The following KIAA1328 variants were observed in gnomAD, a reference collection of about 807,000 sequenced individuals.
KIAA1328 encodes the protein KIAA1328.
Under a neutral mutation model 68.1 loss-of-function variants are expected in KIAA1328, and 52 were observed. That is an observed-to-expected ratio of 0.76 (90% confidence interval 0.61 to 0.96). The LOEUF is 0.96. KIAA1328 is among the 40% of genes least tolerant of loss of function. The probability of loss-of-function intolerance (pLI) is 0.00; values close to 1 mark genes in which losing one functional copy is unlikely to be tolerated. For missense variants in KIAA1328, 641 were observed against 677.6 expected, an observed-to-expected ratio of 0.95 and a Z score of 0.60; for synonymous variants, 232 against 239.4, an observed-to-expected ratio of 0.97 and a Z score of 0.28.
At chr18:37,178,505 G>A (rs1433883157) in intron 9 of KIAA1328, among the ~76,000 whole-genome samples, 1 of 152,126 alleles carries the variant, frequency 6.6e-6, no homozygotes, top group Non-Finnish European at 1.5e-5. Context: ...CACTTAGGTT[G>A]ATTCCATATC....
At chr18:36,959,711 A>ACTG (rs1294132341) in intron 6 of KIAA1328, among the ~76,000 whole-genome samples, 1 of 152,146 alleles carries the variant, frequency 6.6e-6, no homozygotes, top group Non-Finnish European at 1.5e-5. Flanking sequence ...TAAAGAAAAC[A>ACTG]CTGCTCTGTT....
At chr18:37,071,203 G>A (rs12104127) in intron 7 of KIAA1328, among the ~76,000 whole-genome samples, 2 of 151,706 alleles carry the variant, frequency 1.3e-5, no homozygotes, top group South Asian at 2.1e-4. Flanking sequence ...TTCCTGAGTA[G>A]CTGGAACTAC....
At chr18:37,145,086 G>A (rs1599418228) in intron 7 of KIAA1328, among the ~76,000 whole-genome samples, 1 of 152,088 alleles carries the variant, frequency 6.6e-6, no homozygotes, top group South Asian at 2.1e-4. Flanking sequence ...AATACAAAAA[G>A]TAGCCAGGCA....
intron 5 of KIAA1328, among the ~76,000 whole-genome samples, chr18:36,953,385 GATAGA>G (rs2051249763): frequency 7.9e-6 from 1 of 126,900 alleles, no homozygotes; most frequent in East Asian, 2.1e-4. Context: ...TAGATAGATA[GATAGA>G]TAGATAGATA....
intron 7 of KIAA1328, among the ~76,000 whole-genome samples, chr18:37,099,458 G>A (rs1472604190): frequency 6.6e-6 from 1 of 152,156 alleles, no homozygotes; most frequent in Non-Finnish European, 1.5e-5. Flanking sequence ...TTTAATTTCT[G>A]ATCTTTTACA....
At chr18:37,099,853 A>C (rs1382300569) in intron 7 of KIAA1328, among the ~76,000 whole-genome samples, 2 of 151,982 alleles carry the variant, frequency 1.3e-5, no homozygotes, top group South Asian at 2.1e-4. Flanking sequence ...CTCTTTTGAT[A>C]TTAGTTGGTT....
intron 6 of KIAA1328, among the ~76,000 whole-genome samples, chr18:37,004,819 A>C (rs547423509): frequency 5.3e-5 from 8 of 152,254 alleles, no homozygotes; most frequent in African/African-American, 1.9e-4. Context: ...ATAACAGCAC[A>C]ATTCACAATT....
At chr18:37,118,201 C>A (rs2151925383) in intron 7 of KIAA1328, among the ~76,000 whole-genome samples, 1 of 152,034 alleles carries the variant, frequency 6.6e-6, no homozygotes, top group African/African-American at 2.4e-5. Flanking sequence ...TGCTATGTTG[C>A]CTAGGATGGT....
intron 5 of KIAA1328, among the ~76,000 whole-genome samples, chr18:36,928,176 G>A (rs1055148248): frequency 6.6e-6 from 1 of 152,168 alleles, no homozygotes; most frequent in Non-Finnish European, 1.5e-5. Flanking sequence ...GGCAGAATGT[G>A]TATGTGAGTA....
At chr18:36,986,478 A>G (rs2052931165) in intron 6 of KIAA1328, among the ~76,000 whole-genome samples, 1 of 134,528 alleles carries the variant, frequency 7.4e-6, no homozygotes, top group South Asian at 2.7e-4. Flanking sequence ...GCCAAAATTG[A>G]CAAATGGGAT....
At chr18:36,955,973 G>C (rs1320623523) in intron 5 of KIAA1328, 1 of 152,160 alleles carries the variant, frequency 6.6e-6, no homozygotes, top group Non-Finnish European at 1.5e-5. Flanking sequence ...TACTTTGGCA[G>C]CCTCTTAGTA....
At chr18:37,056,659 T>C (rs1383639424) in intron 6 of KIAA1328, among the ~76,000 whole-genome samples, 4 of 152,160 alleles carry the variant, frequency 2.6e-5, no homozygotes, top group Non-Finnish European at 5.9e-5. Context: ...AATCCTTTTC[T>C]CTTTTTTTTG....
intron 6 of KIAA1328, among the ~76,000 whole-genome samples, chr18:37,003,193 A>C (rs2053653786): frequency 6.6e-6 from 1 of 152,176 alleles, no homozygotes; most frequent in African/African-American, 2.4e-5. Context: ...AAATCAACTC[A>C]AAATGGATTA....
chr18:37,212,176 C>T (rs1358107058), intron 9 of KIAA1328, among the ~76,000 whole-genome samples: 2 of 152,172 alleles, frequency 1.3e-5, no homozygotes, highest in African/African-American at 4.8e-5. Flanking sequence ...GCAAAATTTC[C>T]TAGAAGCAGT....
intron 6 of KIAA1328, among the ~76,000 whole-genome samples, chr18:36,979,428 T>A (rs894845855): frequency 7.9e-5 from 12 of 152,076 alleles, no homozygotes; most frequent in Admixed American, 6.6e-4. Context: ...CTTTTATTCT[T>A]CAGGTAGGAT....
intron 4 of KIAA1328, among the ~76,000 whole-genome samples, chr18:36,857,003 C>A (rs1004533625): frequency 1.3e-5 from 2 of 152,160 alleles, no homozygotes; most frequent in African/African-American, 4.8e-5. Flanking sequence ...CATACTCTCT[C>A]AGTCATTTTA....
intron 6 of KIAA1328, among the ~76,000 whole-genome samples, chr18:36,966,955 G>A (rs1050964406): frequency 3.9e-5 from 6 of 152,166 alleles, no homozygotes; most frequent in Admixed American, 2.6e-4. Flanking sequence ...AGTGAGAATA[G>A]CCAAAACAAT....
chr18:37,121,309 A>G (rs368056541), intron 7 of KIAA1328, among the ~76,000 whole-genome samples: 3 of 152,156 alleles, frequency 2.0e-5, no homozygotes, highest in East Asian at 1.9e-4. Context: ...ATTGTCTTCT[A>G]TAAGAAGAAT....
intron 9 of KIAA1328, among the ~76,000 whole-genome samples, chr18:37,201,737 T>C (rs554034862): frequency 6.6e-6 from 1 of 152,298 alleles, no homozygotes; most frequent in East Asian, 1.9e-4. Flanking sequence ...CTGTAATACA[T>C]GTACAAAATA....
Sources: allele counts gnomAD v4.1 joint callset (sites outside exome capture counted in the v4.1 genomes callset), GRCh38; gene constraint gnomAD v4.1.1; transcripts MANE v1.5; gene names NCBI Gene and HGNC (gene_info 2026-07-23, HGNC 2026-07-21).